The following TNFRSF8 variants were observed in gnomAD, a reference collection of about 807,000 sequenced individuals.
TNFRSF8 encodes the protein TNF receptor superfamily member 8.
TNFRSF8 carries 26 observed loss-of-function variants against 70.8 expected under a neutral mutation model. The ratio of observed to expected loss-of-function variants is 0.37; its 90% CI spans 0.27 to 0.51. The LOEUF (loss-of-function observed/expected upper bound fraction) is 0.51, where lower values mean the gene tolerates loss of function less well. TNFRSF8 is among the 20% of genes least tolerant of loss of function. The pLI, the probability that TNFRSF8 is intolerant of heterozygous loss-of-function variation, is 0.94. For missense variants in TNFRSF8, 720 were observed against 807.9 expected (o/e 0.89, Z 1.32); for synonymous variants, 356 against 339.2 (o/e 1.05, Z -0.54).
In TNFRSF8 at chr1:12,135,628, C is replaced by T. The variant is rs774310784; in HGVS notation, c.1335+15C>T. 2 of 1,613,892 alleles carry T rather than the reference C, an allele frequency of 1.2e-6. No individual in the cohort carries two copies. Among genetic ancestry groups the T allele is most frequent in the Non-Finnish European group, 1.7e-6 (2 of 1,179,964 alleles). On this transcript the variant is annotated intron_variant, in intron 13 of 14. Coordinates refer to ENST00000263932, the MANE Select transcript of TNFRSF8 (RefSeq NM_001243.5). ...GGAGCTCAACGGTAAGTACCCCTCC[C>T]TTGCCCCCACCTCAGCTTCGTGCCC...
At chr1:12,117,445 G>A (rs570839236) in intron 8 of TNFRSF8, among the ~76,000 whole-genome samples, 1 of 152,258 alleles carries the variant, frequency 6.6e-6, no homozygotes, top group South Asian at 2.1e-4. Flanking sequence ...GGCCACTAGT[G>A]GGGTGCTGTC....
At chr1:12,139,588 C>T (rs1642217185) in intron 14 of TNFRSF8, among the ~76,000 whole-genome samples, 1 of 152,196 alleles carries the variant, frequency 6.6e-6, no homozygotes, top group Admixed American at 6.5e-5. Flanking sequence ...GCTTTGTGCT[C>T]CCTGTGGGCA....
In TNFRSF8 at chr1:12,138,559, C is replaced by T. The variant is rs749077838; in HGVS notation, c.1543+123C>T. ...GTTGAAAGGCCCAGGAAAGGAGAGG[C>T]ATAGATTCTTCACCCCAATTGAAGT... On this transcript the variant is annotated intron_variant, in intron 14 of 14. Coordinates refer to ENST00000263932, the MANE Select transcript of TNFRSF8 (RefSeq NM_001243.5). The surrounding 1 kb of genome is among the most constrained non-coding windows in gnomAD (Gnocchi z 5.7). 99 of 992,616 alleles carry T rather than the reference C, an allele frequency of 1.0e-4. No homozygotes were observed. The highest frequency in any genetic ancestry group is 3.6e-4 in the Admixed American group (12 of 33,590). 61.5% of individuals were successfully genotyped at this position (992,616 alleles called of 1,614,324 possible). A position where few individuals can be genotyped will look rare whatever the true frequency, so the allele number is the denominator to read the frequency against.
At position 12,063,572 on chromosome 1, in the gene TNFRSF8, C is replaced by A; in HGVS notation, c.-27C>A. The A allele has an allele frequency of 7.6e-7, 1 of 1,308,290 alleles. No individual in the cohort carries two copies. Among genetic ancestry groups the A allele is most frequent in the Non-Finnish European group, 9.8e-7 (1 of 1,021,258 alleles). 81.0% of individuals were successfully genotyped at this position (1,308,290 alleles called of 1,614,324 possible). On this transcript the variant is annotated 5_prime_UTR_variant, in exon 1 of 15. Coordinates refer to ENST00000263932, the MANE Select transcript of TNFRSF8 (RefSeq NM_001243.5). The surrounding 1 kb of genome is among the most constrained non-coding windows in gnomAD (Gnocchi z 7.2). ...CGCTTCCCAGGTGGGCGCCGGCCGC[C>A]AGGCCACCTCACGTCCGGCCCCGGG...
At chr1:12,076,226 G>A (rs918277775) in intron 1 of TNFRSF8, among the ~76,000 whole-genome samples, 5 of 150,180 alleles carry the variant, frequency 3.3e-5, no homozygotes, top group African/African-American at 7.3e-5. Flanking sequence ...TCAGCCTCCC[G>A]AGTAGCTGGA....
Position 12,113,887 on chromosome 1 carries a change from G to A in TNFRSF8, c.794-1690G>A, listed in dbSNP as rs1416106642. 1.3e-5 allele frequency among the ~76,000 whole-genome samples: 2 copies of A among 152,230 alleles called. No individual in the cohort carries two copies. Among genetic ancestry groups the A allele is most frequent in the African/African-American group, 4.8e-5 (2 of 41,462 alleles). ...GTTGAGGCAACCACAAATGTCACTT[G>A]AGACCAAGGGAAGGAAAACAGTTGT... On this transcript the variant is annotated intron_variant, in intron 7 of 14. Transcript: ENST00000263932. The surrounding 1 kb of genome is among the most constrained non-coding windows in gnomAD (Gnocchi z 4.9).
chr1:12,071,807 C>T (rs905726791), intron 1 of TNFRSF8, among the ~76,000 whole-genome samples: 1 of 152,190 alleles, frequency 6.6e-6, no homozygotes, highest in African/African-American at 2.4e-5. Context: ...AAGTGATCCA[C>T]CTGCCTTGGC....
At chr1:12,136,358 C>T (rs954200952) in intron 13 of TNFRSF8, among the ~76,000 whole-genome samples, 3 of 152,116 alleles carry the variant, frequency 2.0e-5, no homozygotes, top group African/African-American at 4.8e-5. Flanking sequence ...TTTTAAAATG[C>T]AGTCTTTTGG....
In TNFRSF8 at chr1:12,138,441, G is replaced by A; in HGVS notation, c.1543+5G>A. On this transcript the variant is annotated splice_donor_5th_base_variant and intron_variant, in intron 14 of 14. Transcript: ENST00000263932. The surrounding 1 kb of genome is among the most constrained non-coding windows in gnomAD (Gnocchi z 5.7). Reference sequence around the variant, plus strand: ...AGCACACCAATAACAAGATTGGTGAGTCAGCCTGTTTTGGGAGGTCCCCTG... The same window carrying A: ...AGCACACCAATAACAAGATTGGTGAATCAGCCTGTTTTGGGAGGTCCCCTG... 6.2e-7 allele frequency: 1 copy of A among 1,607,724 alleles called. No individual in the cohort carries two copies. The highest frequency in any genetic ancestry group is 8.5e-7 in the Non-Finnish European group (1 of 1,175,454).
At chr1:12,100,004 A>G (rs912995282) in intron 3 of TNFRSF8, among the ~76,000 whole-genome samples, 2 of 152,024 alleles carry the variant, frequency 1.3e-5, no homozygotes, top group Admixed American at 6.6e-5. Flanking sequence ...CCCCATCTCT[A>G]CTAAAAATAC....
rs557587840 is a variant in TNFRSF8 at position 12,131,343 on chromosome 1, G to A, written c.1310-4245G>A. ...CACACACCTGTAATCCCAGCTACTC[G>A]GGAGGCTGAGGCAGGAGAATTTCTT... On this transcript the variant is annotated intron_variant, in intron 12 of 14. Coordinates refer to ENST00000263932, the MANE Select transcript of TNFRSF8 (RefSeq NM_001243.5). Among the ~76,000 whole-genome samples, 5 of 152,138 alleles carry A rather than the reference G, an allele frequency of 3.3e-5. No individual in the cohort carries two copies. In the East Asian group the frequency reaches 5.8e-4, roughly 18 times the overall value.
chr1:12,073,116 G>A (rs144502691), intron 1 of TNFRSF8, among the ~76,000 whole-genome samples: 5 of 152,130 alleles, frequency 3.3e-5, no homozygotes, highest in Middle Eastern at 3.2e-3. Flanking sequence ...AAAATTAGCC[G>A]GGCATGGTGG....
rs1241297844 is a variant in TNFRSF8, at chr1:12,141,334, G to A, written c.1544-953G>A. 6.6e-6 allele frequency among the ~76,000 whole-genome samples: 1 copy of A among 152,094 alleles called. No homozygotes were observed. The highest frequency in any genetic ancestry group is 1.5e-5 in the Non-Finnish European group (1 of 68,004). On this transcript the variant is annotated intron_variant, in intron 14 of 14. Coordinates refer to ENST00000263932, the MANE Select transcript of TNFRSF8 (RefSeq NM_001243.5). This position sits in a 1 kb window ranked among gnomAD's most constrained non-coding sequence, Gnocchi z 5.4. ...ACCCTGAGCCAGACACCATCAGCTG[G>A]GCGGAGGCCAGGCTTCCCCACTCCC...
Position 12,141,458 on chromosome 1 carries a change from G to A in TNFRSF8, c.1544-829G>A, listed in dbSNP as rs935242770. Among the ~76,000 whole-genome samples the A allele has an allele frequency of 1.3e-5, 2 of 152,220 alleles. No individual in the cohort carries two copies. The highest frequency in any genetic ancestry group is 2.4e-5 in the African/African-American group (1 of 41,462). ...AGACTGTGGCGAGGACCGGCCCTCCGTCCAAGCTCCCACCATGTGCTCACA... is the reference window on the plus strand; with the variant it reads ...AGACTGTGGCGAGGACCGGCCCTCCATCCAAGCTCCCACCATGTGCTCACA... On this transcript the variant is annotated intron_variant, in intron 14 of 14. Transcript: ENST00000263932. The surrounding 1 kb of genome is among the most constrained non-coding windows in gnomAD (Gnocchi z 5.4).
chr1:12,101,457 A>G (rs1195679063), intron 3 of TNFRSF8, among the ~76,000 whole-genome samples: 5 of 152,134 alleles, frequency 3.3e-5, no homozygotes, highest in African/African-American at 7.2e-5. Context: ...AGTATAGTAC[A>G]GTAAGTACGT....
At chr1:12,120,692 T>G (rs1480094982) in intron 8 of TNFRSF8, among the ~76,000 whole-genome samples, 1 of 151,960 alleles carries the variant, frequency 6.6e-6, no homozygotes, top group African/African-American at 2.4e-5. Context: ...GGAGGCTGAG[T>G]AGGCAGGTTC....
At chr1:12,103,853 A>G (rs536320107) in intron 3 of TNFRSF8, among the ~76,000 whole-genome samples, 2 of 152,324 alleles carry the variant, frequency 1.3e-5, no homozygotes, top group Non-Finnish European at 2.9e-5. Context: ...TGACCTGATA[A>G]TGATGCATTA....
intron 2 of TNFRSF8, among the ~76,000 whole-genome samples, chr1:12,093,517 T>A (rs1044333173): frequency 6.6e-6 from 1 of 152,006 alleles, no homozygotes; most frequent in Non-Finnish European, 1.5e-5. Context: ...TGAGTGGACA[T>A]AGAAAGACTC....
chr1:12,111,851 C>G (rs547952494), intron 6 of TNFRSF8, 47 bp from the exon 7 acceptor site: 2 of 1,570,482 alleles, frequency 1.3e-6, no homozygotes, highest in South Asian at 2.2e-5. Context: ...GGAGTGAGGC[C>G]TTTGCCAAGG....
Sources: gnomAD v4.1 joint callset for allele counts (sites outside exome capture counted in the v4.1 genomes callset) on GRCh38, gnomAD v4.1.1 for gene constraint, Gnocchi (gnomAD v3.1) non-coding constraint, MANE v1.5 for transcripts, NCBI Gene and HGNC (gene_info 2026-07-23, HGNC 2026-07-21) for gene names.